RGS12: variants seen among roughly 807,000 people sequenced by gnomAD.
The protein encoded by RGS12 is regulator of G-protein signaling 12.
Under a neutral mutation model 120.1 loss-of-function variants are expected in RGS12, and 66 were observed. That is an observed-to-expected ratio of 0.55 (90% CI 0.45 to 0.67). The LOEUF (loss-of-function observed/expected upper bound fraction) is 0.67. Ranked by LOEUF, RGS12 falls within the 30% of genes least tolerant of loss-of-function variation. RGS12 has a pLI of 0.00. For missense variants in RGS12, 1,859 were observed against 1,957.7 expected (o/e 0.95, Z 0.95); for synonymous variants, 827 against 804.7 (o/e 1.03, Z -0.47).
At chr4:3,351,725 T>G (rs1714375352) in intron 3 of RGS12, among the ~76,000 whole-genome samples, 2 of 152,180 alleles carry the variant, frequency 1.3e-5, no homozygotes, top group South Asian at 4.1e-4. Flanking sequence ...GCTGCGTTTT[T>G]CCTGATGTAG....
At position 3,371,605 on chromosome 4, in the gene RGS12, G is replaced by A. The variant is rs545181476; in HGVS notation, c.1999-14811G>A. Among the ~76,000 whole-genome samples the A allele has an allele frequency of 2.6e-4, 39 of 152,274 alleles. 1 individual carries two copies. In the South Asian group the frequency reaches 8.1e-3, roughly 32 times the overall value. On this transcript the variant is annotated intron_variant, in intron 3 of 17. Coordinates refer to ENST00000336727, the MANE Select transcript of RGS12 (RefSeq NM_001394154.1). Reference sequence around the variant, plus strand: ...GTTCACGGGAGTGTATTGGAATCTGGCTGATGTGGTCGTCAGGCATCAGAA... The same window carrying A: ...GTTCACGGGAGTGTATTGGAATCTGACTGATGTGGTCGTCAGGCATCAGAA...
At chr4:3,439,367 C>A in intron 17 of RGS12, 88 bp from the exon 18 acceptor site, 1 of 1,305,666 alleles carries the variant, frequency 7.7e-7, no homozygotes, top group Non-Finnish European at 1.1e-6. Flanking sequence ...ACCATGCTGT[C>A]TGTGCAGGGG....
intron 2 of RGS12, among the ~76,000 whole-genome samples, chr4:3,340,806 G>A (rs866664204): frequency 2.0e-5 from 3 of 152,024 alleles, no homozygotes; most frequent in Non-Finnish European, 4.4e-5. Context: ...CTCCAGCCTC[G>A]GAGGCACGGC....
chr4:3,379,870 G>A (rs750467527), intron 3 of RGS12, among the ~76,000 whole-genome samples: 4 of 152,148 alleles, frequency 2.6e-5, no homozygotes, highest in South Asian at 2.1e-4. Context: ...GTGACATAGC[G>A]AAACTGCATC....
chr4:3,423,103 T>A, intron 12 of RGS12, 125 bp downstream of exon 12: 1 of 344,120 alleles, frequency 2.9e-6, no homozygotes, highest in African/African-American at 2.2e-5. Flanking sequence ...CGATGGGGTG[T>A]CGGGGCGGGG....
intron 2 of RGS12, among the ~76,000 whole-genome samples, chr4:3,342,144 C>G (rs1396318898): frequency 6.6e-6 from 1 of 151,942 alleles, no homozygotes; most frequent in Non-Finnish European, 1.5e-5. Context: ...GGTGGAGAGA[C>G]AAAAGTAGCT....
At chr4:3,434,722 C>T (rs576926932) in intron 17 of RGS12, among the ~76,000 whole-genome samples, 9 of 152,342 alleles carry the variant, frequency 5.9e-5, no homozygotes, top group East Asian at 3.9e-4. Flanking sequence ...TCCTTCTGTA[C>T]GCGCCATCTT....
At chr4:3,309,953 CCG>C in intron 1 of RGS12, among the ~76,000 whole-genome samples, 1 of 139,596 alleles carries the variant, frequency 7.2e-6, no homozygotes. Context: ...CTGAGGGGAA[CCG>C]TGCAGGGGAG....
intron 3 of RGS12, among the ~76,000 whole-genome samples, chr4:3,362,682 AGGGT>A (rs370438675): frequency 1.7e-4 from 15 of 87,694 alleles, no homozygotes; most frequent in African/African-American, 4.6e-4. Flanking sequence ...TGTGAGGGTG[AGGGT>A]GTGTGTGAGG....
intron 1 of RGS12, among the ~76,000 whole-genome samples, chr4:3,315,232 TC>T (rs1724661994): frequency 6.6e-6 from 1 of 152,238 alleles, no homozygotes; most frequent in Admixed American, 6.5e-5. Flanking sequence ...TGGAATCCTT[TC>T]GCTGTAATGA....
chr4:3,420,080 A>G (rs1036172987), intron 9 of RGS12, among the ~76,000 whole-genome samples: 1 of 152,216 alleles, frequency 6.6e-6, no homozygotes, highest in African/African-American at 2.4e-5. Context: ...GGTTAGCCTA[A>G]GAATATAGTT....
Position 3,420,051 on chromosome 4 carries a change from C to G in RGS12, c.2762-591C>G, listed in dbSNP as rs190827092. ...GGTGCTGTTTGAAAAGTCCTGTGTCCGAATTTTCATGATTTGTAGGTTAGC... is the reference window on the plus strand; with the variant it reads ...GGTGCTGTTTGAAAAGTCCTGTGTCGGAATTTTCATGATTTGTAGGTTAGC... On this transcript the variant is annotated intron_variant, in intron 9 of 17. Coordinates refer to ENST00000336727, the MANE Select transcript of RGS12 (RefSeq NM_001394154.1). 1.2e-3 allele frequency among the ~76,000 whole-genome samples: 176 copies of G among 152,204 alleles called. 4 individuals are homozygous for G. In the South Asian group the frequency reaches 0.013, roughly 11 times the overall value.
chr4:3,415,014 TGTGA>T (rs1722208491), intron 6 of RGS12, among the ~76,000 whole-genome samples, 170 bp downstream of exon 6: 3 of 116,164 alleles, frequency 2.6e-5, no homozygotes, highest in Non-Finnish European at 3.6e-5. Flanking sequence ...GAGGGGCGTG[TGTGA>T]GAGGGGCGTG....
chr4:3,319,955 A>G (rs1353042218), intron 2 of RGS12, among the ~76,000 whole-genome samples: 2 of 152,186 alleles, frequency 1.3e-5, no homozygotes, highest in African/African-American at 4.8e-5. Context: ...TTGGGCAGGG[A>G]TGGGAGGTGA....
At position 3,422,596 on chromosome 4, in the gene RGS12, C is replaced by T. The variant is rs767190662; in HGVS notation, c.3033+26C>T. On this transcript the variant is annotated intron_variant, in intron 11 of 17. Transcript: ENST00000336727. The stretch of plus-strand genomic sequence containing the variant: ...GTACTGGGCCCGCCTGACCCTCGTG[C>T]TGCCCTCAGGCCATGACCTCCCCGC... 2.6e-5 allele frequency: 42 copies of T among 1,601,012 alleles called. 1 individual carries two copies. In the South Asian group the frequency reaches 4.1e-4, roughly 16 times the overall value.
chr4:3,432,442 G>A (rs978078633), intron 17 of RGS12, among the ~76,000 whole-genome samples: 5 of 152,186 alleles, frequency 3.3e-5, no homozygotes, highest in Non-Finnish European at 4.4e-5. Context: ...GCTGGCCTTC[G>A]GGCTGCAGTC....
intron 4 of RGS12, among the ~76,000 whole-genome samples, chr4:3,408,437 C>G (rs1425806267): frequency 6.6e-6 from 1 of 152,208 alleles, no homozygotes; most frequent in Non-Finnish European, 1.5e-5. Flanking sequence ...CTGCCTCGCA[C>G]CTGGCTCTGC....
intron 4 of RGS12, among the ~76,000 whole-genome samples, chr4:3,387,734 T>C (rs1719001575): frequency 1.3e-5 from 2 of 152,232 alleles, no homozygotes. Flanking sequence ...TTGAATGATC[T>C]GTTCATGCTT....
Position 3,316,143 on chromosome 4 carries a change from G to C in RGS12, c.-28G>C. ...TATGGCTCCAAGGGAACAATGAGAC[G>C]TGCTCTTGGTCTTGGAAGCTCATCA... On this transcript the variant is annotated 5_prime_UTR_variant, in exon 2 of 18. Transcript: ENST00000336727. 1 of 1,518,008 alleles carries C rather than the reference G, an allele frequency of 6.6e-7. No individual in the cohort carries two copies. The highest frequency in any genetic ancestry group is 8.8e-7 in the Non-Finnish European group (1 of 1,133,526). The allele number at this position is 1,518,008 out of a possible 1,614,324, so 94.0% of individuals were successfully genotyped here. A position where few individuals can be genotyped will look rare whatever the true frequency, so the allele number is the denominator to read the frequency against.
Sources: gnomAD v4.1 joint callset for allele counts (sites outside exome capture counted in the v4.1 genomes callset) on GRCh38, gnomAD v4.1.1 for gene constraint, MANE v1.5 for transcripts, NCBI Gene and HGNC (gene_info 2026-07-23, HGNC 2026-07-21) for gene names.